The following EPG5 variants were observed in gnomAD, a reference collection of about 807,000 sequenced individuals.
The protein encoded by EPG5 is ectopic P granules protein 5 homolog.
A neutral mutation model predicts 302.7 loss-of-function variants in EPG5; 159 were observed. The observed-to-expected ratio is 0.53, with a 90% CI of 0.46 to 0.60. EPG5 has a LOEUF of 0.60. Among genes scored for constraint, EPG5 ranks in the 20% least tolerant of loss-of-function variants. EPG5 has a pLI of 0.00. For missense variants in EPG5, 2,896 were observed against 3,092.4 expected, an observed-to-expected ratio of 0.94 and a Z score of 1.51; for synonymous variants, 1,158 against 1,136.8, an observed-to-expected ratio of 1.02 and a Z score of -0.37.
chr18:45,912,857 G>A (rs1288664093), intron 21 of EPG5, among the ~76,000 whole-genome samples: 1 of 152,174 alleles, frequency 6.6e-6, no homozygotes, highest in African/African-American at 2.4e-5. Context: ...GGAGGCCAAA[G>A]CAGGTGGATC....
Position 45,899,562 on chromosome 18 carries a change from C to T in EPG5, c.4651G>A (p.Ala1551Thr), listed in dbSNP as rs2049558453. ...ACCTGCTGAGATTCCCGAAGAGCTG[C>T]GGTTCTGAAAAACATCATCAGGAGG... ...LNLLQQQARTAALRESQQVAL... is the reference protein window; with the variant it reads ...LNLLQQQARTTALRESQQVAL... Residue 1551 changes from alanine to threonine, a missense_variant, in exon 27 of 44, where the codon GCA (alanine) becomes ACA (threonine). Physicochemically the swap from Ala to Thr is moderately conservative, Grantham distance 58. This residue lies in a region of EPG5 where 790 missense variants were observed against 798.0 expected (regional missense o/e 0.99). Coordinates refer to ENST00000282041, the MANE Select transcript of EPG5 (RefSeq NM_020964.3). The T allele has an allele frequency of 4.3e-6, 7 of 1,613,850 alleles. No individual in the cohort carries two copies. The highest frequency in any genetic ancestry group is 3.3e-5 in the Admixed American group (2 of 59,990).
chr18:45,842,448 A>T, the EPG5 span: 11 of 470,502 alleles, frequency 2.3e-5, no homozygotes, highest in South Asian at 3.0e-5. Flanking sequence ...TGTGTGAGAG[A>T]GAGAGAGAGA....
intron 10 of EPG5, among the ~76,000 whole-genome samples, chr18:45,939,235 C>T (rs929819861): frequency 1.1e-4 from 16 of 152,196 alleles, no homozygotes; most frequent in Admixed American, 7.2e-4. Flanking sequence ...AAATCATTTG[C>T]ACCACATGCT....
intron 27 of EPG5, 196 bp from the exon 28 acceptor site, chr18:45,890,136 T>G (rs1040449922): frequency 1.2e-5 from 5 of 420,286 alleles, no homozygotes; most frequent in Non-Finnish European, 2.1e-5. Flanking sequence ...ACTATTTCAC[T>G]TATGTTTCAA....
the EPG5 span, chr18:45,825,462 C>T: frequency 1.8e-6 from 1 of 545,158 alleles, no homozygotes; most frequent in East Asian, 2.9e-5. Flanking sequence ...ACCCTCTTTC[C>T]TGTTTCCTGT....
chr18:45,915,890 A>G, intron 19 of EPG5, 119 bp downstream of exon 19: 1 of 944,358 alleles, frequency 1.1e-6, no homozygotes, highest in Non-Finnish European at 1.6e-6. Context: ...ATTAAGGCAA[A>G]GCTTAAAGAA....
At chr18:45,869,774 T>C (rs771333333) in intron 36 of EPG5, among the ~76,000 whole-genome samples, 6 of 152,128 alleles carry the variant, frequency 3.9e-5, no homozygotes, top group Non-Finnish European at 7.4e-5. Context: ...AAAAGTTAAG[T>C]ATATTTTGCT....
In EPG5 at chr18:45,966,824, A is replaced by G. The variant is rs565237702; in HGVS notation, c.63+353T>C. Among the ~76,000 whole-genome samples the G allele has an allele frequency of 2.3e-3, 347 of 152,348 alleles. 1 individual carries two copies. In the Middle Eastern group the frequency reaches 0.027, roughly 12 times the overall value. On this transcript the variant is annotated intron_variant, in intron 1 of 43. Transcript: ENST00000282041. ...GCAGGGACTAAAAATGTTCTAGGAT[A>G]TAAAAGAGTAAAGAGAGAGTCAACG...
At position 45,925,842 on chromosome 18, in the gene EPG5, T is replaced by C; in HGVS notation, c.2614A>G (p.Ile872Val). 1.3e-6 allele frequency: 2 copies of C among 1,578,352 alleles called. No individual in the cohort carries two copies. Among genetic ancestry groups the C allele is most frequent in the Non-Finnish European group, 1.7e-6 (2 of 1,165,072 alleles). ...LYLWQPSASE[I>V]AVIRDWLLNY... ...AATAACCAATCCCGAATCACCGCTA[T>C]CTCAGATGCAGAAGGTTGCCAAAGA... Residue 872 changes from isoleucine (I) to valine (V), a missense_variant, in exon 14 of 44, where the codon ATA becomes GTA. Around this residue, in one of 5 missense-constraint regions of EPG5, gnomAD observed 1,390 missense variants for 1,430.0 expected, o/e 0.97. Transcript: ENST00000282041.
At chr18:45,943,381 T>A in intron 8 of EPG5, 70 bp from the exon 9 acceptor site, 1 of 1,365,268 alleles carries the variant, frequency 7.3e-7, no homozygotes, top group Non-Finnish European at 1.0e-6. Flanking sequence ...TACATCTGTA[T>A]AAATATTTTA....
downstream of EPG5, among the ~76,000 whole-genome samples, chr18:45,846,824 T>C (rs1176314366): frequency 6.6e-6 from 1 of 152,178 alleles, no homozygotes; most frequent in Non-Finnish European, 1.5e-5. Context: ...TTTGGTTATT[T>C]CTTGATTATA....
chr18:45,896,267 C>T (rs540672230), intron 27 of EPG5, among the ~76,000 whole-genome samples: 2 of 152,352 alleles, frequency 1.3e-5, no homozygotes, highest in South Asian at 4.1e-4. Flanking sequence ...GCAGTCGATA[C>T]TATTATTGAT....
chr18:45,842,112 G>A, the EPG5 span: 2 of 1,614,162 alleles, frequency 1.2e-6, no homozygotes, highest in African/African-American at 1.3e-5. Context: ...ACAGGTCCCA[G>A]GCCCAGGAGT....
the EPG5 span, among the ~76,000 whole-genome samples, chr18:45,808,865 T>C: frequency 6.6e-6 from 1 of 152,120 alleles, no homozygotes; most frequent in Non-Finnish European, 1.5e-5. Flanking sequence ...AAATAGCCGA[T>C]GAATGGAATG....
At chr18:45,894,211 G>C (rs2049416652) in intron 27 of EPG5, among the ~76,000 whole-genome samples, 1 of 152,138 alleles carries the variant, frequency 6.6e-6, no homozygotes, top group South Asian at 2.1e-4. Flanking sequence ...TGTAATCCTA[G>C]CACTTTGGGA....
At chr18:45,941,364 A>C (rs2050663577) in intron 9 of EPG5, among the ~76,000 whole-genome samples, 1 of 152,236 alleles carries the variant, frequency 6.6e-6, no homozygotes, top group Non-Finnish European at 1.5e-5. Flanking sequence ...GATCTGGAGC[A>C]CAAGGTTCAT....
chr18:45,911,459 T>C (rs890479529), intron 22 of EPG5, among the ~76,000 whole-genome samples: 23 of 151,238 alleles, frequency 1.5e-4, no homozygotes, highest in Admixed American at 1.4e-3. Flanking sequence ...CTAATTTTTT[T>C]GTATTTTTTT....
rs746081416 is a variant in EPG5 at position 45,955,008 on chromosome 18, C to T, written c.394G>A (p.Val132Ile). ...VHPGDNVGTK[V>I]ETPKNFTEVE... is the part of the protein sequence containing the mutation. ...TCTGTGAAGTTCTTGGGGGTTTCTA[C>T]TTTAGTTCCAACATTGTCTCCAGGG... The change falls in exon 2 of 44, where the codon GTA (valine) becomes ATA (isoleucine). Residue 132 changes from valine to isoleucine, a missense_variant. Physicochemically the swap from Val to Ile is conservative, Grantham distance 29. Around this residue, in one of 5 missense-constraint regions of EPG5, gnomAD observed 1,390 missense variants for 1,430.0 expected, o/e 0.97. Transcript: ENST00000282041. The T allele has an allele frequency of 1.2e-5, 19 of 1,614,060 alleles. No homozygotes were observed. The highest frequency in any genetic ancestry group is 5.3e-5 in the African/African-American group (4 of 74,904).
intron 35 of EPG5, among the ~76,000 whole-genome samples, chr18:45,871,886 C>T (rs1159455678): frequency 6.6e-6 from 1 of 151,030 alleles, no homozygotes; most frequent in Non-Finnish European, 1.5e-5. Flanking sequence ...GGGTGACTAC[C>T]GTCCACAACA....
Sources: allele counts gnomAD v4.1 joint callset (sites outside exome capture counted in the v4.1 genomes callset), GRCh38; gene constraint gnomAD v4.1.1; regional missense constraint gnomAD v4.1.1; transcripts MANE v1.5; gene names NCBI Gene and HGNC (gene_info 2026-07-23, HGNC 2026-07-21).